Variants in CCDC88A observed in about 807,000 individuals in gnomAD.
The protein encoded by CCDC88A is girdin.
A neutral mutation model predicts 234.3 loss-of-function variants in CCDC88A; 54 were observed. The observed-to-expected ratio is 0.23, with a 90% CI of 0.19 to 0.29. CCDC88A has a LOEUF of 0.29. Among genes scored for constraint, CCDC88A ranks in the 10% least tolerant of loss-of-function variants. The pLI, the probability that CCDC88A is intolerant of heterozygous loss-of-function variation, is 1.00. For missense variants in CCDC88A, 1,832 were observed against 2,123.4 expected (o/e 0.86, Z 2.70); for synonymous variants, 753 against 737.8 (o/e 1.02, Z -0.33).
intron 3 of CCDC88A, among the ~76,000 whole-genome samples, chr2:55,388,296 A>C (rs72799563): frequency 2.0e-5 from 3 of 152,334 alleles, no homozygotes; most frequent in Non-Finnish European, 4.4e-5. Context: ...ATCATAGCAG[A>C]AATTAGAAAA....
intron 29 of CCDC88A, chr2:55,296,724 C>A: frequency 1.7e-6 from 1 of 589,870 alleles, no homozygotes; most frequent in Non-Finnish European, 2.9e-6. Flanking sequence ...CTTATTTTGT[C>A]AAACTGACAA....
At chr2:55,330,364 T>G (rs1684769766) in intron 16 of CCDC88A, among the ~76,000 whole-genome samples, 1 of 151,962 alleles carries the variant, frequency 6.6e-6, no homozygotes, top group African/African-American at 2.4e-5. Flanking sequence ...TCCCAGCTAC[T>G]TGGGAGGCTC....
chr2:55,333,169 A>G (rs1253513720), intron 15 of CCDC88A, among the ~76,000 whole-genome samples: 2 of 152,204 alleles, frequency 1.3e-5, no homozygotes, highest in African/African-American at 4.8e-5. Flanking sequence ...TTATAAGTCT[A>G]CAGAAGAAAA....
intron 5 of CCDC88A, among the ~76,000 whole-genome samples, chr2:55,366,058 T>G (rs1671895921): frequency 6.6e-6 from 1 of 152,214 alleles, no homozygotes; most frequent in South Asian, 2.1e-4. Context: ...TATAGCTTAA[T>G]ACCAGCTGTG....
chr2:55,404,885 C>T (rs1176834647), intron 2 of CCDC88A: 2 of 152,198 alleles, frequency 1.3e-5, no homozygotes, highest in Non-Finnish European at 2.9e-5. Flanking sequence ...GCATGTGCCA[C>T]CATGCCCAGC....
At chr2:55,398,445 A>G (rs866691844) in intron 2 of CCDC88A, among the ~76,000 whole-genome samples, 1 of 152,222 alleles carries the variant, frequency 6.6e-6, no homozygotes, top group Non-Finnish European at 1.5e-5. Context: ...GCATGGATCT[A>G]GAAAGCAATA....
intron 3 of CCDC88A, among the ~76,000 whole-genome samples, chr2:55,375,595 T>C (rs915235190): frequency 6.7e-6 from 1 of 150,200 alleles, no homozygotes; most frequent in African/African-American, 2.4e-5. Context: ...TGGTGTGATC[T>C]TGACTCACTG....
intron 12 of CCDC88A, among the ~76,000 whole-genome samples, chr2:55,341,140 C>CTTTTTT (rs562623314): frequency 1.2e-4 from 10 of 81,352 alleles, no homozygotes; most frequent in Non-Finnish European, 2.0e-4. Context: ...GAATTTCTTT[C>CTTTTTT]TTTTTTTTTT....
At chr2:55,377,223 G>T (rs574763546) in intron 3 of CCDC88A, among the ~76,000 whole-genome samples, 13 of 148,274 alleles carry the variant, frequency 8.8e-5, no homozygotes, top group African/African-American at 1.2e-4. Flanking sequence ...TTGAGACAGG[G>T]TCTTACTCTT....
rs1671432852 is a variant in CCDC88A at position 55,362,344 on chromosome 2, T to C, written c.591A>G (p.Leu197=). The change falls in exon 7 of 33, where the codon CTA becomes CTG. Residue 197 remains leucine, a synonymous_variant. Transcript: ENST00000436346. ...EPLLKNMALH[L]KRLIDERDEH... ...CATCTCTCTCATCTATAAGTCTTTT[T>C]AGATGCAATGCCATATTTTTCAAGA... The C allele has an allele frequency of 1.3e-6, 2 of 1,595,444 alleles. No homozygotes were observed. The highest frequency in any genetic ancestry group is 8.5e-7 in the Non-Finnish European group (1 of 1,172,482).
rs995281560 is a variant in CCDC88A, at chr2:55,321,936, AC to A, written c.3162+591del. ...TTTGTGTTAAATTAAAAAAAAAAAA[AC>A]CACCACCACAACTATTTTACTTGTT... is the stretch of plus-strand genomic sequence containing the variant. On this transcript the variant is annotated intron_variant, in intron 18 of 32. Transcript: ENST00000436346. Among the ~76,000 whole-genome samples, 11 of 144,030 alleles carry A rather than the reference AC, an allele frequency of 7.6e-5. 1 individual carries two copies. Among genetic ancestry groups the A allele is most frequent in the South Asian group, 4.4e-4 (2 of 4,546 alleles). 94.5% of individuals were successfully genotyped at this position (144,030 alleles called of 152,430 possible). A position where few individuals can be genotyped will look rare whatever the true frequency, so the allele number is the denominator to read the frequency against.
intron 31 of CCDC88A, chr2:55,294,466 A>T: frequency 1.2e-6 from 1 of 862,736 alleles, no homozygotes; most frequent in Non-Finnish European, 1.4e-6. Context: ...GTATTAGTTA[A>T]TATTTGTTAT....
chr2:55,358,213 A>G (rs1670842671), intron 7 of CCDC88A, among the ~76,000 whole-genome samples: 1 of 152,184 alleles, frequency 6.6e-6, no homozygotes, highest in South Asian at 2.1e-4. Context: ...CCAATACTAT[A>G]ATTTGCAATA....
At position 55,334,581 on chromosome 2, in the gene CCDC88A, G is replaced by T. The variant is rs771395168; in HGVS notation, c.2240C>A (p.Ser747Tyr). The part of the protein sequence containing the change: ...LKKGLELLKA[S>Y]FKKTERLEVS... ...TTCTAAGCGTTCTGTTTTCTTGAAA[G>T]ATGCTTTCAGGAGCTCCAAACCCTT... The change falls in exon 15 of 33, where the codon TCT becomes TAT. Residue 747 changes from serine (S) to tyrosine (Y), a missense_variant. By Grantham distance (144) the Ser-to-Tyr change is moderately radical. Coordinates refer to ENST00000436346, the MANE Select transcript of CCDC88A (RefSeq NM_001365480.1). The surrounding 1 kb of genome is among the most constrained non-coding windows in gnomAD (Gnocchi z 6.1). 2 of 1,613,122 alleles carry T rather than the reference G, an allele frequency of 1.2e-6. No individual in the cohort carries two copies. The highest frequency in any genetic ancestry group is 1.1e-5 in the South Asian group (1 of 91,060).
At position 55,332,464 on chromosome 2, in the gene CCDC88A, G is replaced by A. The variant is rs1229955950; in HGVS notation, c.2855+102C>T. 1 of 1,457,834 alleles carries A rather than the reference G, an allele frequency of 6.9e-7. No homozygotes were observed. Among genetic ancestry groups the A allele is most frequent in the South Asian group, 1.5e-5 (1 of 67,698 alleles). 90.3% of individuals were successfully genotyped at this position (1,457,834 alleles called of 1,614,324 possible). A position where few individuals can be genotyped will look rare whatever the true frequency, so the allele number is the denominator to read the frequency against. On this transcript the variant is annotated intron_variant, in intron 16 of 32. Transcript: ENST00000436346. The surrounding 1 kb of genome is among the most constrained non-coding windows in gnomAD (Gnocchi z 4.5). ...GGAAGGAAGGAACCAGAAATAGGGTGAAATATATAAATGTTTTCTATAGCT... is the reference window on the plus strand; with the variant it reads ...GGAAGGAAGGAACCAGAAATAGGGTAAAATATATAAATGTTTTCTATAGCT...
chr2:55,412,000 A>G (rs1328462802), intron 2 of CCDC88A, among the ~76,000 whole-genome samples: 1 of 152,162 alleles, frequency 6.6e-6, no homozygotes, highest in East Asian at 1.9e-4. Flanking sequence ...CAAAAAGGAG[A>G]AACAGAAGAC....
intron 8 of CCDC88A, 62 bp from the exon 9 acceptor site, chr2:55,349,661 G>A (rs577517188): frequency 4.4e-5 from 48 of 1,101,008 alleles, no homozygotes; most frequent in Middle Eastern, 2.0e-4. Context: ...CATCATCTGC[G>A]TTAATATAAA....
At position 55,317,355 on chromosome 2, in the gene CCDC88A, G is replaced by T; in HGVS notation, c.3603-6C>A. On this transcript the variant is annotated splice_polypyrimidine_tract_variant and splice_region_variant and intron_variant, in intron 20 of 32. Transcript: ENST00000436346. The surrounding 1 kb of genome is among the most constrained non-coding windows in gnomAD (Gnocchi z 4.2). ...GTTTTAATAACTGATTGTAACTGGG[G>T]GGAAAAAAGGCATTTGGTTTATAAT... 1 of 1,455,430 alleles carries T rather than the reference G, an allele frequency of 6.9e-7. No homozygotes were observed. The highest frequency in any genetic ancestry group is 9.1e-7 in the Non-Finnish European group (1 of 1,099,164). The allele number at this position is 1,455,430 out of a possible 1,614,324, so 90.2% of individuals were successfully genotyped here.
intron 8 of CCDC88A, among the ~76,000 whole-genome samples, chr2:55,354,060 A>G (rs899283385): frequency 6.6e-6 from 1 of 152,234 alleles, no homozygotes; most frequent in Admixed American, 6.5e-5. Context: ...CTGTAACACA[A>G]TGGTTAAGTA....
Sources: allele counts gnomAD v4.1 joint callset (sites outside exome capture counted in the v4.1 genomes callset), GRCh38; gene constraint gnomAD v4.1.1; non-coding constraint Gnocchi (gnomAD v3.1); transcripts MANE v1.5; gene names NCBI Gene and HGNC (gene_info 2026-07-23, HGNC 2026-07-21).